The following KCNQ3 variants were observed in gnomAD, a reference collection of about 807,000 sequenced individuals.
KCNQ3 encodes the protein potassium voltage-gated channel subfamily KQT member 3.
KCNQ3 carries 30 observed loss-of-function variants against 92.5 expected under a neutral mutation model. That is an observed-to-expected ratio of 0.32 (90% confidence interval 0.24 to 0.44). KCNQ3 has a LOEUF of 0.44. Ranked by LOEUF, KCNQ3 falls within the 20% of genes least tolerant of loss-of-function variation. The pLI is 1.00. For synonymous variants in KCNQ3, 450 were observed against 468.8 expected, an observed-to-expected ratio of 0.96 and a Z score of 0.52; for missense variants, 913 against 1,140.3, an observed-to-expected ratio of 0.80 and a Z score of 2.87.
Position 132,303,677 on chromosome 8 carries a change from T to TATATATATATATAC in KCNQ3, c.387-117497_387-117496insGTATATATATATAT, listed in dbSNP as rs376933089. The stretch of plus-strand genomic sequence containing the variant: ...TTTATGGTGTGTGTGTATATATATA[T>TATATATATATATAC]ACACACACACAGCCACACCACACAC... On this transcript the variant is annotated intron_variant, in intron 1 of 14. Transcript: ENST00000388996. Among the ~76,000 whole-genome samples the TATATATATATATAC allele has an allele frequency of 3.0e-3, 256 of 85,996 alleles. 16 individuals carry two copies. Among genetic ancestry groups the TATATATATATATAC allele is most frequent in the African/African-American group, 0.011 (244 of 22,186 alleles). The allele number at this position is 85,996 out of a possible 152,430, so 56.4% of individuals were successfully genotyped here. A position where few individuals can be genotyped will look rare whatever the true frequency, so the allele number is the denominator to read the frequency against.
intron 1 of KCNQ3, among the ~76,000 whole-genome samples, chr8:132,301,962 A>C (rs1817228492): frequency 6.6e-6 from 1 of 152,204 alleles, no homozygotes; most frequent in Non-Finnish European, 1.5e-5. Context: ...AAGTGGAAAC[A>C]ACCAAAGGAG....
At chr8:132,304,914 C>T (rs1227623787) in intron 1 of KCNQ3, among the ~76,000 whole-genome samples, 4 of 151,856 alleles carry the variant, frequency 2.6e-5, no homozygotes, top group Admixed American at 6.6e-5. Context: ...GAATTAATAT[C>T]GATTGGGAAA....
At chr8:132,169,504 C>T (rs1195832303) in intron 8 of KCNQ3, among the ~76,000 whole-genome samples, 2 of 152,194 alleles carry the variant, frequency 1.3e-5, no homozygotes, top group Non-Finnish European at 2.9e-5. Flanking sequence ...CACGAAACAG[C>T]GTCTCTGGGT....
intron 1 of KCNQ3, among the ~76,000 whole-genome samples, chr8:132,414,481 T>C (rs1362406618): frequency 1.3e-5 from 2 of 152,240 alleles, no homozygotes; most frequent in Non-Finnish European, 2.9e-5. Context: ...CCAGCAGCTA[T>C]TCTACCAGAG....
intron 1 of KCNQ3, among the ~76,000 whole-genome samples, chr8:132,328,029 C>A (rs1200601129): frequency 1.3e-5 from 2 of 152,248 alleles, no homozygotes; most frequent in East Asian, 3.9e-4. Context: ...AGCATGGGGG[C>A]ATGGGTGATG....
chr8:132,461,175 G>C (rs1156417887), intron 1 of KCNQ3, among the ~76,000 whole-genome samples: 7 of 152,168 alleles, frequency 4.6e-5, no homozygotes, highest in Non-Finnish European at 1.0e-4. Context: ...TATGAGTAAA[G>C]CTATTAGAAA....
At chr8:132,426,473 C>T (rs754899824) in intron 1 of KCNQ3, among the ~76,000 whole-genome samples, 7 of 152,228 alleles carry the variant, frequency 4.6e-5, no homozygotes, top group African/African-American at 1.7e-4. Context: ...TGTGATCCCA[C>T]ATGCAATCCT....
At chr8:132,209,977 T>C (rs1369116496) in intron 1 of KCNQ3, among the ~76,000 whole-genome samples, 1 of 152,200 alleles carries the variant, frequency 6.6e-6, no homozygotes, top group African/African-American at 2.4e-5. Flanking sequence ...GACTGCATCT[T>C]TTCTAGAAAA....
At chr8:132,339,105 T>C (rs1262699039) in intron 1 of KCNQ3, among the ~76,000 whole-genome samples, 1 of 152,166 alleles carries the variant, frequency 6.6e-6, no homozygotes, top group Non-Finnish European at 1.5e-5. Flanking sequence ...CCAGCTCTTG[T>C]TCTACCATTA....
intron 11 of KCNQ3, 23 bp downstream of exon 11, chr8:132,140,052 CA>C (rs1207178065): frequency 6.6e-7 from 1 of 1,522,000 alleles, no homozygotes; most frequent in Admixed American, 1.8e-5. Flanking sequence ...CACACAGGCA[CA>C]GGTGGGACCG....
chr8:132,475,063 G>A (rs992964526), intron 1 of KCNQ3, among the ~76,000 whole-genome samples: 5 of 152,092 alleles, frequency 3.3e-5, no homozygotes, highest in African/African-American at 4.8e-5. Flanking sequence ...TCACTCTTGC[G>A]CTCTCTCCTG....
At chr8:132,390,332 G>GC (rs1738098895) in intron 1 of KCNQ3, among the ~76,000 whole-genome samples, 1 of 152,198 alleles carries the variant, frequency 6.6e-6, no homozygotes, top group African/African-American at 2.4e-5. Context: ...GGCTTGAGTA[G>GC]AAAGGGACAG....
chr8:132,263,679 G>C (rs2130477603), intron 1 of KCNQ3, among the ~76,000 whole-genome samples: 1 of 152,320 alleles, frequency 6.6e-6, no homozygotes, highest in African/African-American at 2.4e-5. Flanking sequence ...AAATCAAAAA[G>C]AAGTAAAACA....
intron 1 of KCNQ3, among the ~76,000 whole-genome samples, chr8:132,404,865 C>T (rs578222267): frequency 6.6e-6 from 1 of 152,250 alleles, no homozygotes; most frequent in South Asian, 2.1e-4. Flanking sequence ...TCGCAATAAC[C>T]CCATTGTCCT....
intron 1 of KCNQ3, among the ~76,000 whole-genome samples, chr8:132,474,839 AG>A (rs1447151066): frequency 6.6e-6 from 1 of 152,092 alleles, no homozygotes; most frequent in East Asian, 1.9e-4. Flanking sequence ...GCCAAGGTGA[AG>A]GGGAGTCACC....
At chr8:132,247,149 C>T (rs1185861991) in intron 1 of KCNQ3, among the ~76,000 whole-genome samples, 3 of 152,134 alleles carry the variant, frequency 2.0e-5, no homozygotes, top group Non-Finnish European at 1.5e-5. Flanking sequence ...CATCTATATA[C>T]CTGCATTTCC....
Position 132,175,460 on chromosome 8 carries a change from C to T in KCNQ3, c.926G>A (p.Trp309Ter). Reference sequence around the variant, plus strand: ...TCCAAGGTAGTGACTCACCAGGCCCCACCACAGGGCATCTGCATAGGTCTC... The same window carrying T: ...TCCAAGGTAGTGACTCACCAGGCCCTACCACAGGGCATCTGCATAGGTCTC... ...EFETYADALW[W>*]GLITLATIGY... The change falls in exon 5 of 15, where the codon TGG (tryptophan) becomes TAG (stop). Residue 309 changes from tryptophan to a stop codon, truncating the protein, a stop_gained. Transcript: ENST00000388996. LOFTEE classifies it high-confidence loss of function. 6.2e-7 allele frequency: 1 copy of T among 1,614,188 alleles called. No individual in the cohort carries two copies. Among genetic ancestry groups the T allele is most frequent in the African/African-American group, 1.3e-5 (1 of 75,054 alleles).
intron 1 of KCNQ3, among the ~76,000 whole-genome samples, chr8:132,268,770 T>A (rs576172171): frequency 2.0e-5 from 3 of 152,330 alleles, no homozygotes; most frequent in Admixed American, 1.3e-4. Context: ...CTGGATCATA[T>A]GCTAAGAATA....
At chr8:132,299,753 T>C (rs1000848848) in intron 1 of KCNQ3, among the ~76,000 whole-genome samples, 1 of 151,226 alleles carries the variant, frequency 6.6e-6, no homozygotes, top group Admixed American at 6.6e-5. Flanking sequence ...GTAGATCCCA[T>C]TGCCTCTTCC....
Sources: allele counts gnomAD v4.1 joint callset (sites outside exome capture counted in the v4.1 genomes callset), GRCh38; gene constraint gnomAD v4.1.1; transcripts MANE v1.5; gene names NCBI Gene and HGNC (gene_info 2026-07-23, HGNC 2026-07-21).